The following PLCB3 variants were observed in gnomAD, a reference collection of about 807,000 sequenced individuals.
PLCB3 encodes the protein phospholipase C beta 3, also known as 1-phosphatidylinositol 4,5-bisphosphate phosphodiesterase beta-3.
A neutral mutation model predicts 152.1 loss-of-function variants in PLCB3; 54 were observed. The observed-to-expected ratio is 0.36, with a 90% CI of 0.29 to 0.45. The LOEUF (loss-of-function observed/expected upper bound fraction) is 0.45, where lower values mean the gene tolerates loss of function less well. PLCB3 is among the 20% of genes least tolerant of loss of function. PLCB3 has a pLI of 1.00. For missense variants in PLCB3, 1,248 were observed against 1,687.5 expected (o/e 0.74, Z 4.56); for synonymous variants, 717 against 698.7 (o/e 1.03, Z -0.41).
rs749978087 is a variant in PLCB3, at chr11:64,265,313, T to C, written c.2846T>C (p.Val949Ala). 8.5e-6 allele frequency: 9 copies of C among 1,057,730 alleles called. No individual in the cohort carries two copies. Among genetic ancestry groups the C allele is most frequent in the South Asian group, 2.5e-5 (2 of 79,288 alleles). 65.5% of individuals were successfully genotyped at this position (1,057,730 alleles called of 1,614,324 possible). ...DDLIASILSE[V>A]APTPLDELRG... ...ACCTTTGCTCTGCCGCTCCCAGAGGTGGCCCCCACCCCGCTGGATGAGCTC... is the reference window on the plus strand; with the variant it reads ...ACCTTTGCTCTGCCGCTCCCAGAGGCGGCCCCCACCCCGCTGGATGAGCTC... Residue 949 changes from valine to alanine, a missense_variant, in exon 25 of 31, where the codon GTG becomes GCG. This residue lies in a region of PLCB3 where 477 missense variants were observed against 489.6 expected (regional missense o/e 0.97). Coordinates refer to ENST00000279230, the MANE Select transcript of PLCB3 (RefSeq NM_000932.5).
At position 64,258,885 on chromosome 11, in the gene PLCB3, G is replaced by A. The variant is rs188572550; in HGVS notation, c.1254G>A (p.Ser418=). The A allele has an allele frequency of 1.9e-6, 3 of 1,613,924 alleles. No homozygotes were observed. In the African/African-American group the frequency reaches 4.0e-5, roughly 22 times the overall value. Residue 418 remains serine (S), a splice_region_variant and synonymous_variant, in exon 12 of 31, where the codon TCG becomes TCA. Transcript: ENST00000279230. The surrounding 1 kb of genome is among the most constrained non-coding windows in gnomAD (Gnocchi z 7.2). ...CTGACCTCTGACCTCGGTTCCGCAGGGCAAAGCAACAGGCAAAGATGGCTG... is the reference window on the plus strand; with the variant it reads ...CTGACCTCTGACCTCGGTTCCGCAGAGCAAAGCAACAGGCAAAGATGGCTG... The part of the protein sequence containing the change: ...VILSFENHVD[S]AKQQAKMAEY...
chr11:64,252,775 C>T (rs1244242360), intron 1 of PLCB3, among the ~76,000 whole-genome samples: 1 of 149,974 alleles, frequency 6.7e-6, no homozygotes, highest in African/African-American at 2.5e-5. Context: ...GTGATAAACC[C>T]AAATAAGGAA....
At position 64,266,282 on chromosome 11, in the gene PLCB3, T is replaced by G; in HGVS notation, c.3267-33T>G. 6.2e-7 allele frequency: 1 copy of G among 1,613,564 alleles called. No homozygotes were observed. Among genetic ancestry groups the G allele is most frequent in the Non-Finnish European group, 8.5e-7 (1 of 1,179,934 alleles). The stretch of plus-strand genomic sequence containing the variant: ...AGGGCAGAGTCTGTGCTTCTGCCGC[T>G]GACCCCTCCTCTTCCCCTGCCGGCT... On this transcript the variant is annotated intron_variant, in intron 27 of 30. Transcript: ENST00000279230. This position sits in a 1 kb window ranked among gnomAD's most constrained non-coding sequence, Gnocchi z 4.9.
Position 64,256,359 on chromosome 11 carries a change from C to T in PLCB3, c.699-17C>T. ...CCTGCCAGGCTCCATCCTGACCCAGCTTCCTGTCCCCTCCAGAGGCGCCAA... is the reference window on the plus strand; with the variant it reads ...CCTGCCAGGCTCCATCCTGACCCAGTTTCCTGTCCCCTCCAGAGGCGCCAA... On this transcript the variant is annotated splice_polypyrimidine_tract_variant and intron_variant, in intron 8 of 30. Coordinates refer to ENST00000279230, the MANE Select transcript of PLCB3 (RefSeq NM_000932.5). 9.9e-6 allele frequency: 16 copies of T among 1,610,658 alleles called. No individual in the cohort carries two copies. Among genetic ancestry groups the T allele is most frequent in the East Asian group, 2.2e-5 (1 of 44,864 alleles).
At chr11:64,269,316 G>A (rs1198884864), downstream of PLCB3, among the ~76,000 whole-genome samples, 3 of 152,232 alleles carry the variant, frequency 2.0e-5, no homozygotes, top group Non-Finnish European at 4.4e-5. Flanking sequence ...CGCGAGCAGG[G>A]CCGTGGCGCA....
intron 23 of PLCB3, 36 bp from the exon 24 acceptor site, chr11:64,265,156 T>A: frequency 6.4e-7 from 1 of 1,565,614 alleles, no homozygotes; most frequent in South Asian, 1.2e-5. Flanking sequence ...CCCCCCACCC[T>A]GTCCTCCAGC....
chr11:64,257,016 T>TTTTTTTTTTTTTTTTCTTTTTTC (rs771872374), intron 10 of PLCB3, among the ~76,000 whole-genome samples: 2 of 120,590 alleles, frequency 1.7e-5, no homozygotes, highest in East Asian at 4.7e-4. Flanking sequence ...TTTTTTTTTT[T>TTTTTTTTTTTTTTTTCTTTTTTC]TTTTTGAGAC....
chr11:64,254,172 C>G (rs2031386679), intron 1 of PLCB3, among the ~76,000 whole-genome samples: 1 of 152,066 alleles, frequency 6.6e-6, no homozygotes, highest in Non-Finnish European at 1.5e-5. Context: ...AGGTAGAATC[C>G]TAGGGCCAGA....
intron 1 of PLCB3, among the ~76,000 whole-genome samples, chr11:64,252,371 C>T (rs1371853496): frequency 1.3e-5 from 2 of 152,122 alleles, no homozygotes; most frequent in Non-Finnish European, 2.9e-5. Flanking sequence ...ACTCCTTAGG[C>T]TTGGGACCTT....
Position 64,255,191 on chromosome 11 carries a change from G to C in PLCB3, c.388-43G>C. ...CCTGGGTTGTGGCTGGGCAGCCCCT[G>C]TGTCCCCCACTCACCGCCTCCCCGT... is the stretch of plus-strand genomic sequence containing the variant. On this transcript the variant is annotated intron_variant, in intron 4 of 30. Transcript: ENST00000279230. The surrounding 1 kb of genome is among the most constrained non-coding windows in gnomAD (Gnocchi z 6.8). 6.4e-7 allele frequency: 1 copy of C among 1,557,408 alleles called. No individual in the cohort carries two copies. Among genetic ancestry groups the C allele is most frequent in the Non-Finnish European group, 8.8e-7 (1 of 1,130,678 alleles).
chr11:64,256,031 C>A (rs907654120), intron 8 of PLCB3, among the ~76,000 whole-genome samples: 1 of 152,142 alleles, frequency 6.6e-6, no homozygotes, highest in Non-Finnish European at 1.5e-5. Context: ...TCTGGGCTAA[C>A]CCTGTGCCAG....
intron 10 of PLCB3, among the ~76,000 whole-genome samples, chr11:64,257,209 G>A (rs969269877): frequency 8.6e-5 from 13 of 152,046 alleles, no homozygotes; most frequent in African/African-American, 3.1e-4. Context: ...TCTCCATGTT[G>A]GTCAGGCTGG....
At chr11:64,261,178 G>A (rs527901762) in intron 14 of PLCB3, among the ~76,000 whole-genome samples, 53 of 152,172 alleles carry the variant, frequency 3.5e-4, no homozygotes, top group Non-Finnish European at 3.5e-4. Flanking sequence ...GGTGGCGGGC[G>A]CCTGTAATCC....
intron 24 of PLCB3, 30 bp downstream of exon 24, chr11:64,265,257 G>T: frequency 6.3e-7 from 1 of 1,589,660 alleles, no homozygotes; most frequent in Non-Finnish European, 8.6e-7. Context: ...GAGGCAGGGG[G>T]CTGCCTTGCA....
In PLCB3 at chr11:64,265,474, G is replaced by A. The variant is rs1418817618; in HGVS notation, c.3007G>A (p.Gly1003Ser). 2 of 1,605,420 alleles carry A rather than the reference G, an allele frequency of 1.2e-6. No individual in the cohort carries two copies. The highest frequency in any genetic ancestry group is 4.5e-5 in the East Asian group (2 of 44,798). The change falls in exon 25 of 31, where the codon GGC becomes AGC. Residue 1003 changes from glycine (G) to serine (S), a missense_variant. Around this residue, in one of 6 missense-constraint regions of PLCB3, gnomAD observed 477 missense variants for 489.6 expected, o/e 0.97. Coordinates refer to ENST00000279230, the MANE Select transcript of PLCB3 (RefSeq NM_000932.5). ...TGGCCTGGCTCAGGCACAGGCTGAGGGCAGGTGCCGGCTGCGGCCAGGTGC... is the reference window on the plus strand; with the variant it reads ...TGGCCTGGCTCAGGCACAGGCTGAGAGCAGGTGCCGGCTGCGGCCAGGTGC... ...LDGLAQAQAEGRCRLRPGALG... is the reference protein window; with the variant it reads ...LDGLAQAQAESRCRLRPGALG...
rs745504417 is a variant in PLCB3 at position 64,267,526 on chromosome 11, G to A, written c.3675G>A (p.Ser1225=). The A allele has an allele frequency of 3.7e-5, 58 of 1,565,718 alleles. No homozygotes were observed. The highest frequency in any genetic ancestry group is 4.6e-5 in the Non-Finnish European group (53 of 1,159,986). Reference sequence around the variant, plus strand: ...GCGGGCACCTGTCGGGCGCTGACTCGGAGAGCCAGGAGGAGAACACGCAGC... The same window carrying A: ...GCGGGCACCTGTCGGGCGCTGACTCAGAGAGCCAGGAGGAGAACACGCAGC... ...GSSGHLSGAD[S]ESQEENTQL Residue 1225 remains serine, a synonymous_variant, in exon 31 of 31, where the codon TCG becomes TCA. Transcript: ENST00000279230. The surrounding 1 kb of genome is among the most constrained non-coding windows in gnomAD (Gnocchi z 5.2).
rs749423527 is a variant in PLCB3 at position 64,263,730 on chromosome 11, C to T, written c.2495C>T (p.Pro832Leu). 1.2e-6 allele frequency: 2 copies of T among 1,613,338 alleles called. No homozygotes were observed. The highest frequency in any genetic ancestry group is 8.5e-7 in the Non-Finnish European group (1 of 1,179,900). The change falls in exon 21 of 31, where the codon CCG becomes CTG. Residue 832 changes from proline (P) to leucine (L), a missense_variant. Coordinates refer to ENST00000279230, the MANE Select transcript of PLCB3 (RefSeq NM_000932.5). ...TGCCTGCGGAACGAGGCCAACCAAC[C>T]GCTGTGCCTGCCGGCCCTGCTCATC... The part of the protein sequence containing the change: ...YVCLRNEANQ[P>L]LCLPALLIYT...
intron 3 of PLCB3, 33 bp downstream of exon 3, chr11:64,254,849 C>A (rs777647594): frequency 6.2e-7 from 1 of 1,613,760 alleles, no homozygotes. Context: ...AAGACCACAG[C>A]GAGGCTGTGC....
chr11:64,254,811 C>G lies in PLCB3; in HGVS notation c.241C>G (p.Pro81Ala), dbSNP rs369122916. ...ACGGACAGGCCGGTACGCCCGCCTG[C>G]CCAAGGTGAGTGATGAGCCTGGGAG... Reference protein sequence around the residue: ...DTRTGRYARLPKDPKIREVLG... With the variant: ...DTRTGRYARLAKDPKIREVLG... The change falls in exon 3 of 31, where the codon CCC becomes GCC. Residue 81 changes from proline to alanine, a missense_variant. Coordinates refer to ENST00000279230, the MANE Select transcript of PLCB3 (RefSeq NM_000932.5). 6.2e-7 allele frequency: 1 copy of G among 1,613,722 alleles called. No individual in the cohort carries two copies. The highest frequency in any genetic ancestry group is 8.5e-7 in the Non-Finnish European group (1 of 1,179,996).
Sources: allele counts gnomAD v4.1 joint callset (sites outside exome capture counted in the v4.1 genomes callset), GRCh38; gene constraint gnomAD v4.1.1; regional missense constraint gnomAD v4.1.1; non-coding constraint Gnocchi (gnomAD v3.1); transcripts MANE v1.5; gene names NCBI Gene and HGNC (gene_info 2026-07-23, HGNC 2026-07-21).